The following PHF21A variants were observed in gnomAD, a reference collection of about 807,000 sequenced individuals.
PHF21A encodes the protein BHC80a.
Under a neutral mutation model 82.5 loss-of-function variants are expected in PHF21A, and 11 were observed. The ratio of observed to expected loss-of-function variants is 0.13; its 90% CI spans 0.08 to 0.22. The LOEUF is 0.22. PHF21A is among the 10% of genes least tolerant of loss of function. The pLI is 1.00. For missense variants in PHF21A, 579 were observed against 837.8 expected (o/e 0.69, Z 3.81); for synonymous variants, 297 against 302.8 (o/e 0.98, Z 0.20).
chr11:45,999,939 C>T (rs1384562210), intron 6 of PHF21A, among the ~76,000 whole-genome samples: 1 of 152,172 alleles, frequency 6.6e-6, no homozygotes, highest in Non-Finnish European at 1.5e-5. Context: ...GAGAAAGTCG[C>T]AATATTCTGC....
intron 6 of PHF21A, among the ~76,000 whole-genome samples, chr11:46,047,552 C>T (rs1462073466): frequency 1.3e-5 from 2 of 151,972 alleles, no homozygotes; most frequent in African/African-American, 2.4e-5. Flanking sequence ...GAAAGCAAGA[C>T]AGAGAAGGTG....
At chr11:46,013,677 G>A (rs1323393236) in intron 6 of PHF21A, among the ~76,000 whole-genome samples, 1 of 152,100 alleles carries the variant, frequency 6.6e-6, no homozygotes, top group Non-Finnish European at 1.5e-5. Flanking sequence ...AAACTTAGAT[G>A]GTACAGCCTA....
chr11:46,115,919 A>G (rs1278924403), intron 1 of PHF21A, among the ~76,000 whole-genome samples: 1 of 152,196 alleles, frequency 6.6e-6, no homozygotes, highest in African/African-American at 2.4e-5. Flanking sequence ...GAAAAAGTTA[A>G]TAACACCCTG....
At chr11:45,944,805 C>T (rs902936262) in intron 15 of PHF21A, among the ~76,000 whole-genome samples, 1 of 152,248 alleles carries the variant, frequency 6.6e-6, no homozygotes, top group African/African-American at 2.4e-5. Context: ...TCACTCTTGT[C>T]ACCCAGGCTG....
At chr11:45,982,853 A>G (rs1444575825) in intron 6 of PHF21A, among the ~76,000 whole-genome samples, 3 of 152,222 alleles carry the variant, frequency 2.0e-5, no homozygotes, top group African/African-American at 7.2e-5. Flanking sequence ...CAACATAAAC[A>G]TGACACCTGC....
chr11:46,119,027 G>A (rs988875824), intron 1 of PHF21A, among the ~76,000 whole-genome samples: 4 of 151,828 alleles, frequency 2.6e-5, no homozygotes, highest in African/African-American at 9.7e-5. Context: ...GCTCAAAAAG[G>A]AGATAATTCC....
At chr11:46,026,075 A>G (rs1227524537) in intron 6 of PHF21A, among the ~76,000 whole-genome samples, 1 of 152,224 alleles carries the variant, frequency 6.6e-6, no homozygotes, top group Non-Finnish European at 1.5e-5. Flanking sequence ...ATATCCTGGT[A>G]TCAGAGGAAG....
At chr11:46,068,436 A>T (rs1410418228) in intron 6 of PHF21A, among the ~76,000 whole-genome samples, 4 of 152,222 alleles carry the variant, frequency 2.6e-5, no homozygotes, top group Non-Finnish European at 5.9e-5. Context: ...AGGTGGTGTC[A>T]GTTATATTGG....
At chr11:46,093,422 G>C (rs1409628230) in intron 1 of PHF21A, among the ~76,000 whole-genome samples, 1 of 152,106 alleles carries the variant, frequency 6.6e-6, no homozygotes, top group African/African-American at 2.4e-5. Context: ...TTATTTAAAA[G>C]GGCCCCAGTT....
chr11:46,028,752 T>TTA (rs1432666968), intron 6 of PHF21A, among the ~76,000 whole-genome samples: 1 of 152,106 alleles, frequency 6.6e-6, no homozygotes, highest in Non-Finnish European at 1.5e-5. Context: ...TTCTGTATTT[T>TTA]TAGTAGAGAT....
intron 6 of PHF21A, among the ~76,000 whole-genome samples, chr11:46,010,056 T>C (rs2095381031): frequency 6.6e-6 from 1 of 152,226 alleles, no homozygotes; most frequent in African/African-American, 2.4e-5. Flanking sequence ...ATTCATTTAG[T>C]TGCTTAACCA....
At position 46,084,237 on chromosome 11, in the gene PHF21A, T is replaced by C; in HGVS notation, c.-18A>G. 6.3e-7 allele frequency: 1 copy of C among 1,589,816 alleles called. No homozygotes were observed. The highest frequency in any genetic ancestry group is 8.5e-7 in the Non-Finnish European group (1 of 1,170,120). ...AACTCCATCCTCTACCTTCTCCACTTTCTCTGCTAATTCTATAGTTTCTTC... is the reference window on the plus strand; with the variant it reads ...AACTCCATCCTCTACCTTCTCCACTCTCTCTGCTAATTCTATAGTTTCTTC... On this transcript the variant is annotated 5_prime_UTR_variant, in exon 4 of 19. Coordinates refer to ENST00000676320, the MANE Select transcript of PHF21A (RefSeq NM_001352027.3).
At chr11:46,024,064 A>G (rs949509828) in intron 6 of PHF21A, among the ~76,000 whole-genome samples, 1 of 152,236 alleles carries the variant, frequency 6.6e-6, no homozygotes, top group African/African-American at 2.4e-5. Flanking sequence ...ATACTGGATT[A>G]GTTGCAATTG....
intron 6 of PHF21A, among the ~76,000 whole-genome samples, chr11:46,034,221 A>AC (rs11463148): frequency 0.1 from 12,488 of 124,642 alleles, 1,289 homozygotes; most frequent in East Asian, 0.54. Context: ...TAGTGCCCCC[A>AC]CCCCCCCCTT....
At chr11:46,117,064 A>C (rs967718794) in intron 1 of PHF21A, 8 of 152,378 alleles carry the variant, frequency 5.3e-5, no homozygotes, top group Admixed American at 3.3e-4. Context: ...TAAAGACAGA[A>C]GCTTCTGTCC....
At chr11:46,031,029 G>A (rs1282271638) in intron 6 of PHF21A, among the ~76,000 whole-genome samples, 2 of 152,158 alleles carry the variant, frequency 1.3e-5, no homozygotes, top group Non-Finnish European at 2.9e-5. Flanking sequence ...GCCTACACCA[G>A]TGAGTGAACT....
chr11:45,967,216 A>G (rs147038491), intron 9 of PHF21A, among the ~76,000 whole-genome samples: 52 of 152,148 alleles, frequency 3.4e-4, no homozygotes, highest in Non-Finnish European at 6.2e-4. Flanking sequence ...AAAAATACGA[A>G]CATTAGCCAG....
intron 1 of PHF21A, among the ~76,000 whole-genome samples, chr11:46,107,080 G>A (rs2097160166): frequency 6.6e-6 from 1 of 152,174 alleles, no homozygotes; most frequent in East Asian, 1.9e-4. Context: ...GTGGGTGTGG[G>A]TACCCTGAGG....
chr11:45,994,429 T>C (rs930379224), intron 6 of PHF21A, among the ~76,000 whole-genome samples: 1 of 151,566 alleles, frequency 6.6e-6, no homozygotes, highest in African/African-American at 2.4e-5. Flanking sequence ...CACAGAGAGG[T>C]TTTAAAACCA....
Sources: gnomAD v4.1 joint callset for allele counts (sites outside exome capture counted in the v4.1 genomes callset) on GRCh38, gnomAD v4.1.1 for gene constraint, MANE v1.5 for transcripts, NCBI Gene and HGNC (gene_info 2026-07-23, HGNC 2026-07-21) for gene names.